The following USH2A variants were observed in gnomAD, a reference collection of about 807,000 sequenced individuals.
The protein encoded by USH2A is Usher syndrome 2A (autosomal recessive, mild).
A neutral mutation model predicts 538.9 loss-of-function variants in USH2A; 443 were observed. The observed-to-expected ratio is 0.82, with a 90% CI of 0.76 to 0.89. USH2A has a LOEUF of 0.89. Among genes scored for constraint, USH2A ranks in the 40% least tolerant of loss-of-function variants. The pLI is 0.00. For missense variants in USH2A, 6,633 were observed against 6,324.8 expected, an observed-to-expected ratio of 1.05 and a Z score of -1.65; for synonymous variants, 2,413 against 2,273.5, an observed-to-expected ratio of 1.06 and a Z score of -1.75.
intron 32 of USH2A, among the ~76,000 whole-genome samples, chr1:216,044,870 A>G (rs1434582210): frequency 6.6e-6 from 1 of 152,184 alleles, no homozygotes; most frequent in Non-Finnish European, 1.5e-5. Flanking sequence ...AATATTATGG[A>G]ATTCTATCCA....
intron 61 of USH2A, among the ~76,000 whole-genome samples, chr1:215,697,505 T>C (rs1324578866): frequency 7.5e-6 from 1 of 132,638 alleles, no homozygotes; most frequent in Non-Finnish European, 1.6e-5. Context: ...CTACTTCTGC[T>C]TTTAAAAAAT....
At chr1:215,715,913 C>T (rs1659469061) in intron 61 of USH2A, among the ~76,000 whole-genome samples, 1 of 152,170 alleles carries the variant, frequency 6.6e-6, no homozygotes, top group Admixed American at 6.5e-5. Flanking sequence ...GACCATATGG[C>T]TCAATTTGTG....
chr1:216,340,150 C>T (rs1453122458), intron 4 of USH2A, among the ~76,000 whole-genome samples: 1 of 151,588 alleles, frequency 6.6e-6, no homozygotes, highest in Non-Finnish European at 1.5e-5. Flanking sequence ...TAAAAAATGA[C>T]AAAGGGGATA....
chr1:216,236,421 T>G (rs2035818192), intron 13 of USH2A, among the ~76,000 whole-genome samples: 1 of 152,194 alleles, frequency 6.6e-6, no homozygotes, highest in Non-Finnish European at 1.5e-5. Context: ...CAGTTTCCCC[T>G]ACTAAATCAC....
chr1:215,823,154 T>G (rs10864205), intron 47 of USH2A, among the ~76,000 whole-genome samples: 57,439 of 151,878 alleles, frequency 0.38, 11,472 homozygotes, highest in Admixed American at 0.52. Flanking sequence ...TCAAATGTTT[T>G]CTTTCTGTGC....
intron 4 of USH2A, among the ~76,000 whole-genome samples, chr1:216,340,353 C>T (rs1222523552): frequency 6.6e-6 from 1 of 151,860 alleles, no homozygotes; most frequent in Non-Finnish European, 1.5e-5. Flanking sequence ...TAATTAATAG[C>T]CTACCAACCA....
chr1:215,647,715 G>A lies in USH2A; in HGVS notation c.14598C>T (p.Phe4866=), dbSNP rs775300341. 8.1e-6 allele frequency: 13 copies of A among 1,614,056 alleles called. No homozygotes were observed. The African/African-American group carries it at 1.7e-4, about 22-fold the overall frequency. The change falls in exon 67 of 72, where the codon TTC becomes TTT. Residue 4866 remains phenylalanine (F), a synonymous_variant. Transcript: ENST00000307340. ...NGVIHSYELQ[F]HVACPPDSAL... is the part of the protein sequence containing the mutation. Reference sequence around the variant, plus strand: ...CTGAGTCAGGAGGGCAAGCCACGTGGAATTGGAGTTCATAGCTAAAATGAG... The same window carrying A: ...CTGAGTCAGGAGGGCAAGCCACGTGAAATTGGAGTTCATAGCTAAAATGAG...
chr1:216,137,446 G>A (rs1302980116), intron 21 of USH2A, among the ~76,000 whole-genome samples: 2 of 152,220 alleles, frequency 1.3e-5, no homozygotes, highest in East Asian at 1.9e-4. Context: ...CAGATCTCAT[G>A]AAATTTATTC....
intron 58 of USH2A, among the ~76,000 whole-genome samples, chr1:215,755,390 T>G (rs931813992): frequency 6.6e-6 from 1 of 152,168 alleles, no homozygotes; most frequent in African/African-American, 2.4e-5. Flanking sequence ...AAATAAACAA[T>G]CTCCACTTAC....
chr1:216,083,096 T>G (rs1368167807), intron 26 of USH2A, among the ~76,000 whole-genome samples: 1 of 152,018 alleles, frequency 6.6e-6, no homozygotes, highest in Admixed American at 6.6e-5. Context: ...TATACTTGAT[T>G]ATCTATATGT....
At chr1:215,820,013 G>T (rs1662968566) in intron 47 of USH2A, among the ~76,000 whole-genome samples, 1 of 151,572 alleles carries the variant, frequency 6.6e-6, no homozygotes, top group Admixed American at 6.6e-5. Context: ...AAAATAGAAG[G>T]AACATTCTTC....
intron 35 of USH2A, among the ~76,000 whole-genome samples, chr1:215,990,936 T>C (rs1667990448): frequency 6.6e-6 from 1 of 151,968 alleles, no homozygotes; most frequent in Non-Finnish European, 1.5e-5. Flanking sequence ...TAATTTTTTG[T>C]ATTTTTAGTA....
At chr1:215,866,920 GT>G (rs1664483749) in intron 44 of USH2A, 86 bp downstream of exon 44, 1 of 1,552,536 alleles carries the variant, frequency 6.4e-7, no homozygotes, top group South Asian at 1.1e-5. Context: ...TCAAAATGAT[GT>G]GTACATGGGG....
chr1:215,809,567 C>A (rs1202361549), intron 49 of USH2A, among the ~76,000 whole-genome samples: 3 of 152,002 alleles, frequency 2.0e-5, no homozygotes, highest in Non-Finnish European at 2.9e-5. Context: ...TCATTAACCT[C>A]TCAAAATGAA....
chr1:216,075,090 A>AT (rs1366188203), intron 27 of USH2A, among the ~76,000 whole-genome samples: 1 of 152,190 alleles, frequency 6.6e-6, no homozygotes, highest in Non-Finnish European at 1.5e-5. Flanking sequence ...ACAAGATGAA[A>AT]TTTTCAATTT....
chr1:215,739,972 TG>T (rs1660256970), intron 60 of USH2A, among the ~76,000 whole-genome samples: 1 of 152,030 alleles, frequency 6.6e-6, no homozygotes, highest in South Asian at 2.1e-4. Flanking sequence ...AGAAGAAGGG[TG>T]TTCTGCTTTG....
intron 58 of USH2A, among the ~76,000 whole-genome samples, chr1:215,747,813 C>T (rs1473536008): frequency 6.6e-6 from 1 of 151,978 alleles, no homozygotes; most frequent in Non-Finnish European, 1.5e-5. Flanking sequence ...CCTGCCATAA[C>T]AGTAAAGCAG....
chr1:215,979,814 G>A (rs902514597), intron 35 of USH2A, among the ~76,000 whole-genome samples: 1 of 152,084 alleles, frequency 6.6e-6, no homozygotes, highest in Non-Finnish European at 1.5e-5. Context: ...CATGAACAAT[G>A]ACGTTAATCT....
Position 215,639,191 on chromosome 1 carries a change from T to A in USH2A, c.15016A>T (p.Thr5006Ser). ...GAGGTATCATATTGGATCAACGGCGTCTTAACACTTCCTTCGTCAGTCGTG... is the reference window on the plus strand; with the variant it reads ...GAGGTATCATATTGGATCAACGGCGACTTAACACTTCCTTCGTCAGTCGTG... ...ICTTDEGSVK[T>S]PLIQYDTSTG... is the part of the protein sequence containing the mutation. The change falls in exon 69 of 72, where the codon ACG (threonine) becomes TCG (serine). Residue 5006 changes from threonine (T) to serine (S), a missense_variant. Coordinates refer to ENST00000307340, the MANE Select transcript of USH2A (RefSeq NM_206933.4). The A allele has an allele frequency of 9.9e-6, 16 of 1,614,090 alleles. No homozygotes were observed. Among genetic ancestry groups the A allele is most frequent in the Non-Finnish European group, 1.4e-5 (16 of 1,179,996 alleles).
Sources: gnomAD v4.1 joint callset for allele counts (sites outside exome capture counted in the v4.1 genomes callset) on GRCh38, gnomAD v4.1.1 for gene constraint, MANE v1.5 for transcripts, NCBI Gene and HGNC (gene_info 2026-07-23, HGNC 2026-07-21) for gene names.